The following ATP5IF1 variants were observed in gnomAD, a reference collection of about 807,000 sequenced individuals.
ATP5IF1 encodes the protein ATP synthase inhibitory factor subunit 1.
A neutral mutation model predicts 8.5 loss-of-function variants in ATP5IF1; 12 were observed. The observed-to-expected ratio is 1.41, with a 90% confidence interval of 0.90 to 2.28. The LOEUF (loss-of-function observed/expected upper bound fraction) is 2.28, where lower values mean the gene tolerates loss of function less well. ATP5IF1 is among the 30% of genes most tolerant of loss of function. ATP5IF1 has a pLI of 0.00. For synonymous variants in ATP5IF1, 51 were observed against 53.4 expected, an observed-to-expected ratio of 0.96 and a Z score of 0.19; for missense variants, 154 against 140.2, an observed-to-expected ratio of 1.10 and a Z score of -0.50.
chr1:28,236,705 C>CAAACAACCCAAAAGCCGTTTCCA, intron 2 of ATP5IF1: 1 of 1,414,934 alleles, frequency 7.1e-7, no homozygotes, highest in Non-Finnish European at 9.2e-7. Context: ...CAAAACAACC[C>CAAACAACCCAAAAGCCGTTTCCA]ACGGCTCAAC....
chr1:28,237,771 T>A (rs1427243581), intron 2 of ATP5IF1, 66 bp from the exon 3 acceptor site: 1 of 1,614,058 alleles, frequency 6.2e-7, no homozygotes, highest in Non-Finnish European at 8.5e-7. Context: ...ACATTACAGG[T>A]TATGCTTTGA....
intron 2 of ATP5IF1, 24 bp from the exon 3 acceptor site, chr1:28,237,813 C>A (rs1572078735): frequency 6.2e-7 from 1 of 1,614,140 alleles, no homozygotes. Context: ...TGAAATTAAA[C>A]CCTGAGCCAC....
chr1:28,236,166 G>C lies in ATP5IF1; in HGVS notation c.-18G>C, dbSNP rs750049245. 1 of 1,611,540 alleles carries C rather than the reference G, an allele frequency of 6.2e-7. No homozygotes were observed. Among genetic ancestry groups the C allele is most frequent in the South Asian group, 1.1e-5 (1 of 91,062 alleles). On this transcript the variant is annotated 5_prime_UTR_variant, in exon 1 of 3. Transcript: ENST00000335514. The stretch of plus-strand genomic sequence containing the variant: ...TGCTTGCTGCGGCAGAGACGCCAGA[G>C]GTGCAGCTCCAGCAGCAATGGCAGT...
At position 28,236,733 on chromosome 1, in the gene ATP5IF1, C is replaced by A. The variant is rs960737907; in HGVS notation, c.179+281C>A. ...GGCTCAACTCCTCCTTTATCATTAC[C>A]ATCTCCCGCGTGGAGTTCTCCTCAG... On this transcript the variant is annotated intron_variant, in intron 2 of 2. Coordinates refer to ENST00000335514, the MANE Select transcript of ATP5IF1 (RefSeq NM_016311.5). The A allele has an allele frequency of 2.6e-5, 35 of 1,354,900 alleles. No individual in the cohort carries two copies. In the African/African-American group the frequency reaches 4.7e-4, roughly 18 times the overall value. 83.9% of individuals were successfully genotyped at this position (1,354,900 alleles called of 1,614,324 possible). A position where few individuals can be genotyped will look rare whatever the true frequency, so the allele number is the denominator to read the frequency against.
Position 28,237,984 on chromosome 1 carries a change from C to A in ATP5IF1, c.*6C>A. ...TGCTAAAACATGATGATTAAGTGCACACCGTGTGCCATAGAATGGCACATG... is the reference window on the plus strand; with the variant it reads ...TGCTAAAACATGATGATTAAGTGCAAACCGTGTGCCATAGAATGGCACATG... On this transcript the variant is annotated 3_prime_UTR_variant, in exon 3 of 3. Coordinates refer to ENST00000335514, the MANE Select transcript of ATP5IF1 (RefSeq NM_016311.5). 6.2e-7 allele frequency: 1 copy of A among 1,606,354 alleles called. No homozygotes were observed. The highest frequency in any genetic ancestry group is 8.5e-7 in the Non-Finnish European group (1 of 1,178,894).
Position 28,236,346 on chromosome 1 carries a change from CCT to C in ATP5IF1, c.88-14_88-13del. 6.2e-7 allele frequency: 1 copy of C among 1,614,248 alleles called. No homozygotes were observed. On this transcript the variant is annotated splice_polypyrimidine_tract_variant and intron_variant, in intron 1 of 2. Coordinates refer to ENST00000335514, the MANE Select transcript of ATP5IF1 (RefSeq NM_016311.5). The stretch of plus-strand genomic sequence containing the variant: ...TTGCTTCCGTACCTTTACCAGTGTC[CCT>C]GTCTCTCTGCAGTCCGAGAATGTCG...
At chr1:28,236,583 C>T in intron 2 of ATP5IF1, 131 bp downstream of exon 2, 1 of 1,544,738 alleles carries the variant, frequency 6.5e-7, no homozygotes, top group African/African-American at 1.4e-5. Flanking sequence ...CTCCCGGGCC[C>T]CAATCCAGTA....
intron 1 of ATP5IF1, 32 bp downstream of exon 1, chr1:28,236,302 C>A (rs776494647): frequency 1.2e-6 from 2 of 1,614,206 alleles, no homozygotes; most frequent in Admixed American, 1.7e-5. Flanking sequence ...TGCTCCAGCC[C>A]CGCGGGCGGA....
chr1:28,237,661 A>G, intron 2 of ATP5IF1, 176 bp from the exon 3 acceptor site: 1 of 1,547,344 alleles, frequency 6.5e-7, no homozygotes, highest in Non-Finnish European at 8.7e-7. Flanking sequence ...TAAGATGGCT[A>G]CACCTCAATT....
intron 2 of ATP5IF1, chr1:28,236,995 G>A: frequency 9.7e-7 from 1 of 1,029,068 alleles, no homozygotes; most frequent in Non-Finnish European, 1.2e-6. Flanking sequence ...GCTACTTATG[G>A]TTGGACACCA....
In ATP5IF1 at chr1:28,237,139, G is replaced by A. The variant is rs3767303; in HGVS notation, c.179+687G>A. ...CTTTAACTGACTTCTGTCCACTCTGGAGAGCAGTGAGGAATTAATCTTGCT... is the reference window on the plus strand; with the variant it reads ...CTTTAACTGACTTCTGTCCACTCTGAAGAGCAGTGAGGAATTAATCTTGCT... On this transcript the variant is annotated intron_variant, in intron 2 of 2. Transcript: ENST00000335514. 0.01 allele frequency: 10,335 copies of A among 993,302 alleles called. 1,251 individuals carry two copies. The East Asian group carries it at 0.38, about 36-fold the overall frequency. The allele number at this position is 993,302 out of a possible 1,614,324, so 61.5% of individuals were successfully genotyped here. A position where few individuals can be genotyped will look rare whatever the true frequency, so the allele number is the denominator to read the frequency against.
chr1:28,236,441 A>G lies in ATP5IF1; in HGVS notation c.168A>G (p.Glu56=). The change falls in exon 2 of 3, where the codon GAA becomes GAG. Residue 56 remains glutamate (E), a synonymous_variant. Coordinates refer to ENST00000335514, the MANE Select transcript of ATP5IF1 (RefSeq NM_016311.5). ...GAAAGAGAGAGCAGGCTGAAGAGGA[A>G]CGATATTTCCGGTGAGGCTCACCGG... is the stretch of plus-strand genomic sequence containing the variant. The part of the protein sequence containing the change: ...AFGKREQAEE[E]RYFRAQSREQ... The G allele has an allele frequency of 1.2e-6, 2 of 1,614,178 alleles. No homozygotes were observed. Among genetic ancestry groups the G allele is most frequent in the Non-Finnish European group, 1.7e-6 (2 of 1,180,026 alleles).
At position 28,236,284 on chromosome 1, in the gene ATP5IF1, G is replaced by A. The variant is rs939436347; in HGVS notation, c.87+14G>A. The A allele has an allele frequency of 3.1e-6, 5 of 1,614,200 alleles. No homozygotes were observed. Among genetic ancestry groups the A allele is most frequent in the Non-Finnish European group, 3.4e-6 (4 of 1,180,040 alleles). Reference sequence around the variant, plus strand: ...GGCTCGGATCAGGTACGCTGCGGCAGTGTCCGCTGCTCCAGCCCCGCGGGC... The same window carrying A: ...GGCTCGGATCAGGTACGCTGCGGCAATGTCCGCTGCTCCAGCCCCGCGGGC... On this transcript the variant is annotated intron_variant, in intron 1 of 2. Coordinates refer to ENST00000335514, the MANE Select transcript of ATP5IF1 (RefSeq NM_016311.5).
In ATP5IF1 at chr1:28,236,750, TCTC is replaced by T. The variant is rs1313592218; in HGVS notation, c.179+302_179+304del. The T allele has an allele frequency of 8.4e-6, 11 of 1,314,286 alleles. No homozygotes were observed. The East Asian group carries it at 1.4e-4, about 17-fold the overall frequency. The allele number at this position is 1,314,286 out of a possible 1,614,324, so 81.4% of individuals were successfully genotyped here. On this transcript the variant is annotated intron_variant, in intron 2 of 2. Coordinates refer to ENST00000335514, the MANE Select transcript of ATP5IF1 (RefSeq NM_016311.5). ...ATCATTACCATCTCCCGCGTGGAGT[TCTC>T]CTCAGGTCGTGCGAAACACCCCCAG...
At chr1:28,236,869 C>T (rs1240250546) in intron 2 of ATP5IF1, 3 of 1,141,102 alleles carry the variant, frequency 2.6e-6, no homozygotes, top group Non-Finnish European at 3.3e-6. Flanking sequence ...CCCCTCTACG[C>T]TCTCCTTCCT....
chr1:28,237,427 A>G, intron 2 of ATP5IF1: 1 of 1,128,672 alleles, frequency 8.9e-7, no homozygotes, highest in South Asian at 2.8e-5. Flanking sequence ...ATTCATTTCT[A>G]TAGGCAAAGA....
At chr1:28,236,520 A>G (rs776085011) in intron 2 of ATP5IF1, 68 bp downstream of exon 2, 222 of 1,609,742 alleles carry the variant, frequency 1.4e-4, no homozygotes, top group East Asian at 2.7e-4. Context: ...TAAACTGCCA[A>G]TCGCCCCACC....
At chr1:28,236,657 A>G in intron 2 of ATP5IF1, 1 of 1,477,396 alleles carries the variant, frequency 6.8e-7, no homozygotes, top group Non-Finnish European at 9.0e-7. Flanking sequence ...CCTGCACAAC[A>G]GTTTCAGGCC....
intron 1 of ATP5IF1, 45 bp from the exon 2 acceptor site, chr1:28,236,316 C>G (rs766012910): frequency 6.2e-7 from 1 of 1,614,228 alleles, no homozygotes; most frequent in Non-Finnish European, 8.5e-7. Context: ...GGGCGGATCC[C>G]ATCTTTGCTT....
Sources: allele counts gnomAD v4.1 joint callset, GRCh38; gene constraint gnomAD v4.1.1; transcripts MANE v1.5; gene names NCBI Gene and HGNC (gene_info 2026-07-23, HGNC 2026-07-21).